RNF150: variants seen among roughly 807,000 people sequenced by gnomAD.
RNF150 encodes the protein ring finger protein 150.
In RNF150, 24 loss-of-function variants were observed where a neutral mutation model predicts 39.3. That is an observed-to-expected ratio of 0.61 (90% CI 0.44 to 0.86). RNF150 has a LOEUF of 0.86. RNF150 is among the 40% of genes least tolerant of loss of function. RNF150 has a pLI of 0.00. For missense variants in RNF150, 502 were observed against 587.8 expected, an observed-to-expected ratio of 0.85 and a Z score of 1.51; for synonymous variants, 255 against 227.3, an observed-to-expected ratio of 1.12 and a Z score of -1.10.
At chr4:141,039,785 C>T (rs566060263) in intron 1 of RNF150, among the ~76,000 whole-genome samples, 3 of 152,206 alleles carry the variant, frequency 2.0e-5, no homozygotes, top group South Asian at 4.1e-4. Flanking sequence ...TCCCCAGAGT[C>T]CCATATGAGC....
chr4:140,883,049 C>G (rs1052806188), intron 6 of RNF150, among the ~76,000 whole-genome samples: 4 of 149,842 alleles, frequency 2.7e-5, no homozygotes, highest in Non-Finnish European at 5.9e-5. Context: ...TCTCATTTAT[C>G]TTTTGTGTAC....
chr4:141,084,242 T>C (rs745689887), intron 1 of RNF150, among the ~76,000 whole-genome samples: 4 of 152,196 alleles, frequency 2.6e-5, no homozygotes, highest in Non-Finnish European at 4.4e-5. Flanking sequence ...AACATTTTCT[T>C]ATAATTCACC....
chr4:140,882,860 T>G (rs1363699474), intron 6 of RNF150, among the ~76,000 whole-genome samples: 1 of 152,170 alleles, frequency 6.6e-6, no homozygotes, highest in African/African-American at 2.4e-5. Context: ...TGTTTTTCAT[T>G]TATTTAGTCT....
At chr4:141,118,248 AGGT>A (rs1168170475) in intron 1 of RNF150, among the ~76,000 whole-genome samples, 2 of 152,172 alleles carry the variant, frequency 1.3e-5, no homozygotes, top group Admixed American at 1.3e-4. Context: ...CAGTTGGAGA[AGGT>A]TAGGTCATAC....
chr4:141,201,582 C>T (rs1332708994), intron 1 of RNF150, among the ~76,000 whole-genome samples: 5 of 151,894 alleles, frequency 3.3e-5, no homozygotes, highest in Non-Finnish European at 5.9e-5. Context: ...GGATGTGCCA[C>T]CTCCTCATTG....
At chr4:141,025,928 T>C (rs1173501303) in intron 1 of RNF150, among the ~76,000 whole-genome samples, 1 of 152,154 alleles carries the variant, frequency 6.6e-6, no homozygotes, top group East Asian at 1.9e-4. Flanking sequence ...CTTTCAACAA[T>C]GATTAGGTCA....
chr4:141,037,484 G>A (rs1016111224), intron 1 of RNF150, among the ~76,000 whole-genome samples: 3 of 152,200 alleles, frequency 2.0e-5, no homozygotes, highest in Non-Finnish European at 2.9e-5. Context: ...TATTAAATCT[G>A]CACTTTCTTC....
chr4:140,962,123 C>A (rs10016514), intron 2 of RNF150, among the ~76,000 whole-genome samples: 3 of 151,014 alleles, frequency 2.0e-5, no homozygotes, highest in African/African-American at 4.8e-5. Flanking sequence ...CACACACACA[C>A]GTATATATGA....
Position 141,121,481 on chromosome 4 carries a change from C to T in RNF150, c.484+10844G>A, listed in dbSNP as rs1446669320. On this transcript the variant is annotated intron_variant, in intron 1 of 6. Transcript: ENST00000515673. Reference sequence around the variant, plus strand: ...TGGTAAAAACAGCACGGTGTCTCTACCTCTTAAGCTTGGAGGACTGCTCGT... The same window carrying T: ...TGGTAAAAACAGCACGGTGTCTCTATCTCTTAAGCTTGGAGGACTGCTCGT... 5.3e-5 allele frequency among the ~76,000 whole-genome samples: 8 copies of T among 152,260 alleles called. No homozygotes were observed. In the East Asian group the frequency reaches 5.8e-4, roughly 11 times the overall value.
At chr4:141,058,573 G>A (rs1422164337) in intron 1 of RNF150, among the ~76,000 whole-genome samples, 1 of 152,092 alleles carries the variant, frequency 6.6e-6, no homozygotes, top group African/African-American at 2.4e-5. Context: ...GAATCAGACT[G>A]TACTGTGTCT....
chr4:141,134,106 C>T (rs755745188), upstream of RNF150, among the ~76,000 whole-genome samples: 1 of 152,116 alleles, frequency 6.6e-6, no homozygotes, highest in Non-Finnish European at 1.5e-5. Context: ...GAAGAGAAAC[C>T]GGGTGAGACA....
intron 1 of RNF150, among the ~76,000 whole-genome samples, chr4:141,025,366 G>A (rs904308946): frequency 2.0e-5 from 3 of 151,982 alleles, no homozygotes; most frequent in Non-Finnish European, 4.4e-5. Flanking sequence ...GAAGATTACC[G>A]AGCAGGAGGT....
At chr4:140,873,561 T>G (rs1315502422) in intron 6 of RNF150, among the ~76,000 whole-genome samples, 1 of 152,224 alleles carries the variant, frequency 6.6e-6, no homozygotes, top group Non-Finnish European at 1.5e-5. Flanking sequence ...ACTATAGTAT[T>G]ACTGGATTGG....
intron 1 of RNF150, among the ~76,000 whole-genome samples, chr4:141,012,221 C>T (rs1166303847): frequency 6.6e-6 from 1 of 152,212 alleles, no homozygotes. Context: ...TGCCGGAAAG[C>T]AGCCTGCAAA....
At chr4:141,114,076 C>A (rs1431041864) in intron 1 of RNF150, among the ~76,000 whole-genome samples, 8 of 151,964 alleles carry the variant, frequency 5.3e-5, no homozygotes, top group Non-Finnish European at 1.2e-4. Flanking sequence ...AACATTGACA[C>A]CCCAAAATCA....
intron 2 of RNF150, among the ~76,000 whole-genome samples, chr4:140,961,150 T>C (rs1458287197): frequency 6.6e-6 from 1 of 152,172 alleles, no homozygotes; most frequent in Non-Finnish European, 1.5e-5. Context: ...AAATCTTCTC[T>C]CCATTTTTAG....
intron 1 of RNF150, among the ~76,000 whole-genome samples, chr4:141,184,041 T>C (rs1182249220): frequency 6.6e-6 from 1 of 152,212 alleles, no homozygotes; most frequent in Non-Finnish European, 1.5e-5. Flanking sequence ...GATTGCTGGG[T>C]AAAATGGTAT....
At chr4:140,944,221 T>C (rs1732197561) in intron 4 of RNF150, among the ~76,000 whole-genome samples, 2 of 152,146 alleles carry the variant, frequency 1.3e-5, no homozygotes, top group Non-Finnish European at 2.9e-5. Flanking sequence ...TAACCTTAGA[T>C]ACAAAAACCA....
At chr4:141,114,192 C>A (rs1302241571) in intron 1 of RNF150, among the ~76,000 whole-genome samples, 1 of 152,000 alleles carries the variant, frequency 6.6e-6, no homozygotes, top group Non-Finnish European at 1.5e-5. Flanking sequence ...ACATGAAAAA[C>A]CCTTCAAAAA....
Sources: allele counts gnomAD v4.1 joint callset (sites outside exome capture counted in the v4.1 genomes callset), GRCh38; gene constraint gnomAD v4.1.1; transcripts MANE v1.5; gene names NCBI Gene and HGNC (gene_info 2026-07-23, HGNC 2026-07-21).